SMIM7: variants seen among roughly 807,000 people sequenced by gnomAD.
SMIM7 encodes UPF0608 protein C19orf42.
SMIM7 carries 12 observed loss-of-function variants against 13.3 expected under a neutral mutation model. The observed-to-expected ratio is 0.90, with a 90% CI of 0.58 to 1.46. The LOEUF is 1.46. Ranked by LOEUF, SMIM7 falls within the 40% of genes most tolerant of loss-of-function variation. The pLI is 0.00. For synonymous variants in SMIM7, 36 were observed against 35.8 expected, an observed-to-expected ratio of 1.01 and a Z score of -0.02; for missense variants, 114 against 94.8, an observed-to-expected ratio of 1.20 and a Z score of -0.84.
chr19:16,633,445 G>T lies in SMIM7; in HGVS notation c.*138-1721C>A, dbSNP rs200843908. 3.4e-4 allele frequency among the ~76,000 whole-genome samples: 41 copies of T among 120,350 alleles called. No homozygotes were observed. The East Asian group carries it at 9.8e-3, about 29-fold the overall frequency. 79.0% of individuals were successfully genotyped at this position (120,350 alleles called of 152,430 possible). Reference sequence around the variant, plus strand: ...CACTCCAGCCTAGACAACAGAGTGAGAATCTGTCTCAAAAAAAAAGAAAAA... The same window carrying T: ...CACTCCAGCCTAGACAACAGAGTGATAATCTGTCTCAAAAAAAAAGAAAAA... On this transcript the variant is annotated intron_variant and NMD_transcript_variant, in intron 4 of 4. Coordinates refer to the SMIM7 transcript ENST00000465250.
rs1415916741 is a variant in SMIM7 at position 16,646,542 on chromosome 19, T to C, written c.*704A>G. On this transcript the variant is annotated 3_prime_UTR_variant, in exon 5 of 5. Coordinates refer to ENST00000487416, the MANE Select transcript of SMIM7 (RefSeq NM_024104.4). ...CCAATGTACCACATCATAAAATCAC[T>C]CTCATTCCTGCAACTGTACAATGAA... 3 of 154,342 alleles carry C rather than the reference T, an allele frequency of 1.9e-5. No individual in the cohort carries two copies. Among genetic ancestry groups the C allele is most frequent in the African/African-American group, 7.2e-5 (3 of 41,498 alleles). The allele number at this position is 154,342 out of a possible 1,614,324, so 9.6% of individuals were successfully genotyped here.
At chr19:16,641,087 G>C (rs1318487485), downstream of SMIM7, 1 of 152,158 alleles carries the variant, frequency 6.6e-6, no homozygotes, top group Non-Finnish European at 1.5e-5. Flanking sequence ...GTGGCTTTGG[G>C]AGGGAAGGGA....
At position 16,648,912 on chromosome 19, in the gene SMIM7, C is replaced by T. The variant is rs898486246; in HGVS notation, c.213-1651G>A. ...ACACCCATAGTCCCACTACTTAGGA[C>T]GCTGAGGCCAGAGGATCACTTGAGC... is the stretch of plus-strand genomic sequence containing the variant. On this transcript the variant is annotated intron_variant, in intron 4 of 4. Transcript: ENST00000487416. 3.9e-5 allele frequency among the ~76,000 whole-genome samples: 6 copies of T among 151,998 alleles called. 1 individual carries two copies. In the Middle Eastern group the frequency reaches 0.01, roughly 259 times the overall value.
intron 4 of SMIM7, among the ~76,000 whole-genome samples, chr19:16,639,767 G>T (rs918578160): frequency 6.6e-6 from 1 of 152,074 alleles, no homozygotes; most frequent in African/African-American, 2.4e-5. Flanking sequence ...GTTTTTATAA[G>T]GGGCATCCAC....
At chr19:16,653,757 TGG>T in intron 4 of SMIM7, 2 of 433,748 alleles carry the variant, frequency 4.6e-6, no homozygotes, top group South Asian at 7.3e-5. Flanking sequence ...CAGCCGTGTG[TGG>T]TGGCACGCAC....
At chr19:16,649,783 C>G (rs2086496286) in intron 4 of SMIM7, among the ~76,000 whole-genome samples, 3 of 152,150 alleles carry the variant, frequency 2.0e-5, no homozygotes. Context: ...GAGAATGATT[C>G]TGCCATGAAA....
At chr19:16,655,136 C>T in intron 3 of SMIM7, 1 of 340,632 alleles carries the variant, frequency 2.9e-6, no homozygotes, top group Admixed American at 3.7e-5. Flanking sequence ...TTGGATGTTT[C>T]AATTTGCTTT....
downstream of SMIM7, chr19:16,644,838 A>T (rs2122507837): frequency 6.6e-6 from 1 of 152,358 alleles, no homozygotes; most frequent in South Asian, 2.1e-4. Context: ...TACCCACAGC[A>T]ACAGGTGCTC....
At chr19:16,635,899 A>AAAAAAAAAAAAAAAAAATATATAT (rs1200181092) in intron 4 of SMIM7, among the ~76,000 whole-genome samples, 1 of 109,598 alleles carries the variant, frequency 9.1e-6, no homozygotes, top group African/African-American at 4.3e-5. Context: ...AAAAAAAAAA[A>AAAAAAAAAAAAAAAAAATATATAT]ATATATATAT....
At chr19:16,654,517 T>C (rs1312565216) in intron 3 of SMIM7, among the ~76,000 whole-genome samples, 1 of 152,118 alleles carries the variant, frequency 6.6e-6, no homozygotes, top group Non-Finnish European at 1.5e-5. Context: ...CTTCCACCTG[T>C]TTTTGGATGG....
At chr19:16,653,975 G>A in intron 4 of SMIM7, 60 bp downstream of exon 4, 1 of 1,357,892 alleles carries the variant, frequency 7.4e-7, no homozygotes, top group Non-Finnish European at 1.0e-6. Flanking sequence ...CATCAGGTGG[G>A]TCACCCTGGA....
intron 3 of SMIM7, among the ~76,000 whole-genome samples, chr19:16,655,680 CAAAAAA>C (rs869256040): frequency 5.2e-5 from 2 of 38,514 alleles, no homozygotes; most frequent in African/African-American, 9.5e-5. Context: ...GACTCCATCT[CAAAAAA>C]AAAAAAAAAA....
intron 4 of SMIM7, chr19:16,652,605 C>A: frequency 7.9e-7 from 1 of 1,261,612 alleles, no homozygotes; most frequent in East Asian, 3.8e-5. Context: ...GGTAGGATAC[C>A]TTGGCAACAG....
rs771529405 is a variant in SMIM7 at position 16,660,120 on chromosome 19, C to T, written c.-10G>A. On this transcript the variant is annotated 5_prime_UTR_variant, in exon 1 of 5. Transcript: ENST00000487416. ...GGATGTCTCCGATCATCGTTACGGC[C>T]GAAGCGTCCGTCAGAACCGGAAGCG... The T allele has an allele frequency of 6.2e-7, 1 of 1,614,130 alleles. No individual in the cohort carries two copies. The highest frequency in any genetic ancestry group is 1.1e-5 in the South Asian group (1 of 91,070).
downstream of SMIM7, among the ~76,000 whole-genome samples, chr19:16,642,747 G>A (rs1305864800): frequency 1.3e-5 from 2 of 151,874 alleles, no homozygotes; most frequent in African/African-American, 4.8e-5. Context: ...GGGAGACTGA[G>A]GTGGGAGGAT....
At chr19:16,637,879 G>T (rs1229453289) in intron 4 of SMIM7, among the ~76,000 whole-genome samples, 1 of 152,192 alleles carries the variant, frequency 6.6e-6, no homozygotes, top group Non-Finnish European at 1.5e-5. Context: ...CTGAAGCTCT[G>T]ACCTCCAACA....
At chr19:16,649,338 G>A (rs2086489683) in intron 4 of SMIM7, among the ~76,000 whole-genome samples, 1 of 152,144 alleles carries the variant, frequency 6.6e-6, no homozygotes, top group African/African-American at 2.4e-5. Flanking sequence ...AGCACTTTGG[G>A]AGGCCGATGT....
chr19:16,633,214 T>C (rs1354683674), intron 4 of SMIM7, among the ~76,000 whole-genome samples: 1 of 150,970 alleles, frequency 6.6e-6, no homozygotes, highest in Non-Finnish European at 1.5e-5. Flanking sequence ...CCCAGCACTT[T>C]GGGAGGCAGA....
At chr19:16,649,319 T>C (rs1355682265) in intron 4 of SMIM7, among the ~76,000 whole-genome samples, 1 of 152,196 alleles carries the variant, frequency 6.6e-6, no homozygotes, top group Non-Finnish European at 1.5e-5. Context: ...GGTTCACGCC[T>C]ATAATCCCAG....
Sources: gnomAD v4.1 joint callset for allele counts (sites outside exome capture counted in the v4.1 genomes callset) on GRCh38, gnomAD v4.1.1 for gene constraint, MANE v1.5 for transcripts, NCBI Gene and HGNC (gene_info 2026-07-23, HGNC 2026-07-21) for gene names.